ADGRF4: variants seen among roughly 807,000 people sequenced by gnomAD.
ADGRF4 encodes the protein G-protein coupled receptor PGR18.
In ADGRF4, 63 loss-of-function variants were observed where a neutral mutation model predicts 58.5. That is an observed-to-expected ratio of 1.08 (90% CI 0.88 to 1.33). ADGRF4 has a LOEUF of 1.33. Among genes scored for constraint, ADGRF4 ranks in the 40% most tolerant of loss-of-function variants. ADGRF4 has a pLI of 0.00. For missense variants in ADGRF4, 931 were observed against 843.9 expected, an observed-to-expected ratio of 1.10 and a Z score of -1.28; for synonymous variants, 313 against 295.4, an observed-to-expected ratio of 1.06 and a Z score of -0.61.
chr6:47,707,464 G>C, intron 2 of ADGRF4, 126 bp downstream of exon 2: 4 of 673,636 alleles, frequency 5.9e-6, no homozygotes, highest in East Asian at 2.7e-5. Context: ...TACTCTTGCT[G>C]ATAGTAACTT....
At chr6:47,705,474 C>T (rs1771688315) in intron 1 of ADGRF4, among the ~76,000 whole-genome samples, 1 of 152,218 alleles carries the variant, frequency 6.6e-6, no homozygotes, top group Non-Finnish European at 1.5e-5. Context: ...AAATCTATTA[C>T]CACACCTTGC....
At chr6:47,715,425 G>A in intron 6 of ADGRF4, 1 of 390,634 alleles carries the variant, frequency 2.6e-6, no homozygotes, top group South Asian at 6.0e-5. Flanking sequence ...TTCAATGTTA[G>A]AAGAAGCTAA....
chr6:47,715,293 G>T, intron 6 of ADGRF4, 116 bp downstream of exon 6: 3 of 797,288 alleles, frequency 3.8e-6, no homozygotes, highest in Non-Finnish European at 4.0e-6. Context: ...ACATCTTAGG[G>T]TTATTTGGCT....
Position 47,714,717 on chromosome 6 carries a change from T to A in ADGRF4, c.1472T>A (p.Met491Lys). Residue 491 changes from methionine (M) to lysine (K), a missense_variant, in exon 6 of 10, where the codon ATG (methionine) becomes AAG (lysine). Coordinates refer to ENST00000283303, the MANE Select transcript of ADGRF4 (RefSeq NM_153838.5). Reference sequence around the variant, plus strand: ...TTCTACCTCTCTCTGTTTTTCTGGATGCTCTTCAAAGCATTGCTCATCATT... The same window carrying A: ...TTCTACCTCTCTCTGTTTTTCTGGAAGCTCTTCAAAGCATTGCTCATCATT... ...HFFYLSLFFW[M>K]LFKALLIIYG... 6.2e-7 allele frequency: 1 copy of A among 1,614,134 alleles called. No individual in the cohort carries two copies. The highest frequency in any genetic ancestry group is 8.5e-7 in the Non-Finnish European group (1 of 1,179,950).
At chr6:47,720,855 C>G (rs973352927) in intron 9 of ADGRF4, among the ~76,000 whole-genome samples, 10 of 152,070 alleles carry the variant, frequency 6.6e-5, no homozygotes, top group Non-Finnish European at 1.3e-4. Context: ...AGCATATACC[C>G]GGAGGGAAGC....
intron 1 of ADGRF4, among the ~76,000 whole-genome samples, chr6:47,702,708 CCA>C (rs1771616808): frequency 1.3e-5 from 2 of 152,124 alleles, no homozygotes; most frequent in African/African-American, 4.8e-5. Context: ...TGTTTTTCTG[CCA>C]CCATACACAG....
At chr6:47,718,167 G>C (rs151057435) in intron 8 of ADGRF4, among the ~76,000 whole-genome samples, 1 of 152,172 alleles carries the variant, frequency 6.6e-6, no homozygotes, top group African/African-American at 2.4e-5. Context: ...TCATAGTTTA[G>C]TTGGAAAGTT....
intron 1 of ADGRF4, among the ~76,000 whole-genome samples, chr6:47,703,328 AT>A (rs1771632172): frequency 6.6e-6 from 1 of 152,138 alleles, no homozygotes; most frequent in Admixed American, 6.5e-5. Flanking sequence ...CATTCTCAGA[AT>A]CCTTAAGCTC....
rs138803946 is a variant in ADGRF4 at position 47,715,119 on chromosome 6, T to C, written c.1874T>C (p.Leu625Pro). The C allele has an allele frequency of 6.2e-7, 1 of 1,603,832 alleles. No homozygotes were observed. The highest frequency in any genetic ancestry group is 1.3e-5 in the African/African-American group (1 of 74,776). The change falls in exon 6 of 10, where the codon CTC (leucine) becomes CCC (proline). Residue 625 changes from leucine (L) to proline (P), a missense_variant. Coordinates refer to ENST00000283303, the MANE Select transcript of ADGRF4 (RefSeq NM_153838.5). Reference protein sequence around the residue: ...GLTWGFGIATLIEGTSLTFHI... With the variant: ...GLTWGFGIATPIEGTSLTFHI... ...ACCTGGGGTTTTGGAATAGCCACTCTCATAGAAGGCACTTCCTTGACGTTC... is the reference window on the plus strand; with the variant it reads ...ACCTGGGGTTTTGGAATAGCCACTCCCATAGAAGGCACTTCCTTGACGTTC...
chr6:47,707,135 A>G (rs776684438), intron 1 of ADGRF4, 95 bp from the exon 2 acceptor site: 8 of 746,502 alleles, frequency 1.1e-5, no homozygotes, highest in Non-Finnish European at 1.7e-5. Context: ...CAGAGTATCT[A>G]GTGGGTTCAC....
In ADGRF4 at chr6:47,714,935, A is replaced by G. The variant is rs115905128; in HGVS notation, c.1690A>G (p.Ile564Val). 1.4e-3 allele frequency: 2,259 copies of G among 1,613,672 alleles called. 21 individuals carry two copies. Among genetic ancestry groups the G allele is most frequent in the African/African-American group, 0.014 (1,017 of 75,034 alleles). ...TACCAAAGCCCTTTTAGCATTTGCC[A>G]TCCCGGCGTTCGTCATTGTGGCTGT... ...DNTKALLAFA[I>V]PAFVIVAVNL... Residue 564 changes from isoleucine (I) to valine (V), a missense_variant, in exon 6 of 10, where the codon ATC (isoleucine) becomes GTC (valine). Transcript: ENST00000283303.
In ADGRF4 at chr6:47,715,983, A is replaced by AT. The variant is rs3030671; in HGVS notation, c.1933-807dup. Among the ~76,000 whole-genome samples the AT allele has an allele frequency of 5.0e-3, 723 of 143,790 alleles. 3 individuals are homozygous for AT. Among genetic ancestry groups the AT allele is most frequent in the African/African-American group, 0.015 (594 of 39,298 alleles). 94.3% of individuals were successfully genotyped at this position (143,790 alleles called of 152,430 possible). On this transcript the variant is annotated intron_variant, in intron 6 of 9. Coordinates refer to ENST00000283303, the MANE Select transcript of ADGRF4 (RefSeq NM_153838.5). ...TACAGTGAAATCTTTGACATGAGGG[A>AT]TTTTTTTTTTTTTTTTATCAAAGAC...
At position 47,714,332 on chromosome 6, in the gene ADGRF4, G is replaced by A; in HGVS notation, c.1087G>A (p.Ala363Thr). 2 of 1,614,196 alleles carry A rather than the reference G, an allele frequency of 1.2e-6. No individual in the cohort carries two copies. The highest frequency in any genetic ancestry group is 1.1e-5 in the South Asian group (1 of 91,084). The change falls in exon 6 of 10, where the codon GCG becomes ACG. Residue 363 changes from alanine (A) to threonine (T), a missense_variant. Coordinates refer to ENST00000283303, the MANE Select transcript of ADGRF4 (RefSeq NM_153838.5). ...CAAGAAAAGGAGATGGGATGAGAAA[G>A]CGTGCCAAATGATGTTGGATATCAG... ...HSKKRRWDEK[A>T]CQMMLDIRNE... is the part of the protein sequence containing the mutation.
intron 1 of ADGRF4, among the ~76,000 whole-genome samples, chr6:47,703,518 T>C (rs932553747): frequency 1.3e-5 from 2 of 152,220 alleles, no homozygotes; most frequent in Admixed American, 6.5e-5. Flanking sequence ...ATGATTCCTC[T>C]TGGGTAATGT....
intron 3 of ADGRF4, 69 bp downstream of exon 3, chr6:47,708,347 G>C (rs573899877): frequency 1.6e-6 from 2 of 1,212,718 alleles, no homozygotes; most frequent in East Asian, 4.7e-5. Context: ...CACTGATGTT[G>C]CAAGCTTGTC....
chr6:47,700,130 T>A (rs1167827747), intron 1 of ADGRF4, among the ~76,000 whole-genome samples: 1 of 152,190 alleles, frequency 6.6e-6, no homozygotes, highest in Non-Finnish European at 1.5e-5. Context: ...AGGAACCCTT[T>A]GGGAAAGTAT....
At chr6:47,717,222 T>G in intron 7 of ADGRF4, 70 bp from the exon 8 acceptor site, 1 of 1,112,950 alleles carries the variant, frequency 9.0e-7, no homozygotes, top group Non-Finnish European at 1.4e-6. Flanking sequence ...GTCTTAAAGT[T>G]TCAGGACAGG....
In ADGRF4 at chr6:47,699,925, G is replaced by C. The variant is rs866193347; in HGVS notation, c.-17+1131G>C. 5.5e-3 allele frequency among the ~76,000 whole-genome samples: 647 copies of C among 118,064 alleles called. 3 individuals carry two copies. The highest frequency in any genetic ancestry group is 0.018 in the African/African-American group (567 of 32,346). 77.5% of individuals were successfully genotyped at this position (118,064 alleles called of 152,430 possible). A position where few individuals can be genotyped will look rare whatever the true frequency, so the allele number is the denominator to read the frequency against. On this transcript the variant is annotated intron_variant, in intron 1 of 9. Transcript: ENST00000283303. The stretch of plus-strand genomic sequence containing the variant: ...ACATACACACACACACACACACACA[G>C]ACGACACACCCCCCCCCCCAAAATG...
At chr6:47,701,500 C>A (rs1771587518) in intron 1 of ADGRF4, among the ~76,000 whole-genome samples, 1 of 152,198 alleles carries the variant, frequency 6.6e-6, no homozygotes, top group African/African-American at 2.4e-5. Flanking sequence ...ACTAGTATAG[C>A]AATTGGAGGG....
Sources: gnomAD v4.1 joint callset for allele counts (sites outside exome capture counted in the v4.1 genomes callset) on GRCh38, gnomAD v4.1.1 for gene constraint, MANE v1.5 for transcripts, NCBI Gene and HGNC (gene_info 2026-07-23, HGNC 2026-07-21) for gene names.